The following TAF4B variants were observed in gnomAD, a reference collection of about 807,000 sequenced individuals.
TAF4B encodes the protein transcription initiation factor TFIID subunit 4B.
A neutral mutation model predicts 86.4 loss-of-function variants in TAF4B; 38 were observed. The ratio of observed to expected loss-of-function variants is 0.44; its 90% CI spans 0.34 to 0.58. The LOEUF (loss-of-function observed/expected upper bound fraction) is 0.58. TAF4B is among the 20% of genes least tolerant of loss of function. TAF4B has a pLI of 0.02. For missense variants in TAF4B, 988 were observed against 1,027.6 expected, an observed-to-expected ratio of 0.96 and a Z score of 0.53; for synonymous variants, 388 against 391.2, an observed-to-expected ratio of 0.99 and a Z score of 0.10.
At chr18:26,293,147 G>T (rs2056615910) in intron 8 of TAF4B, among the ~76,000 whole-genome samples, 5 of 152,104 alleles carry the variant, frequency 3.3e-5, no homozygotes, top group Admixed American at 3.3e-4. Flanking sequence ...TATAAGCAAT[G>T]TATTATTAAC....
intron 1 of TAF4B, among the ~76,000 whole-genome samples, chr18:26,249,985 A>T (rs1357534458): frequency 6.6e-6 from 1 of 152,160 alleles, no homozygotes; most frequent in Non-Finnish European, 1.5e-5. Flanking sequence ...GGTCTCCCAA[A>T]GTGCTGGAAT....
intron 9 of TAF4B, among the ~76,000 whole-genome samples, chr18:26,311,114 G>A (rs1224137205): frequency 2.0e-5 from 3 of 152,134 alleles, no homozygotes; most frequent in Non-Finnish European, 4.4e-5. Context: ...AGGTGATGAA[G>A]ATGATTAATA....
intron 14 of TAF4B, among the ~76,000 whole-genome samples, chr18:26,366,081 C>T (rs1000126371): frequency 2.6e-5 from 4 of 152,162 alleles, no homozygotes; most frequent in Non-Finnish European, 5.9e-5. Flanking sequence ...TGAGCCACTG[C>T]GCCCGGCCTA....
intron 9 of TAF4B, among the ~76,000 whole-genome samples, chr18:26,301,393 G>A (rs2056732325): frequency 6.6e-6 from 1 of 151,058 alleles, no homozygotes; most frequent in Non-Finnish European, 1.5e-5. Context: ...CTCCAGTGAT[G>A]CTCCTGCCTC....
intron 9 of TAF4B, among the ~76,000 whole-genome samples, chr18:26,300,307 T>TTTTTTATTATTATTA (rs1555679571): frequency 0.026 from 3,735 of 145,386 alleles, 66 homozygotes; most frequent in Non-Finnish European, 0.036. Flanking sequence ...AATGTAGGCA[T>TTTTTTATTATTATTA]TTATTATTAT....
chr18:26,287,760 T>C (rs1309289751), intron 7 of TAF4B, among the ~76,000 whole-genome samples: 1 of 152,208 alleles, frequency 6.6e-6, no homozygotes, highest in African/African-American at 2.4e-5. Flanking sequence ...CCCTGTTTGT[T>C]TTATCAGAAT....
chr18:26,314,452 T>C (rs1215232706), intron 9 of TAF4B, among the ~76,000 whole-genome samples: 1 of 152,188 alleles, frequency 6.6e-6, no homozygotes, highest in Non-Finnish European at 1.5e-5. Flanking sequence ...CAGACATCTT[T>C]TGTATTTTTT....
At chr18:26,261,521 ACT>A (rs2056167743) in intron 1 of TAF4B, among the ~76,000 whole-genome samples, 1 of 151,676 alleles carries the variant, frequency 6.6e-6, no homozygotes, top group Non-Finnish European at 1.5e-5. Context: ...CTTTAGCAGG[ACT>A]CTGTCTCTGC....
Position 26,292,270 on chromosome 18 carries a change from A to G in TAF4B, c.1615A>G (p.Asn539Asp). 6.2e-7 allele frequency: 1 copy of G among 1,614,144 alleles called. No homozygotes were observed. Among genetic ancestry groups the G allele is most frequent in the South Asian group, 1.1e-5 (1 of 91,058 alleles). Residue 539 changes from asparagine to aspartate, a missense_variant, in exon 8 of 15, where the codon AAT becomes GAT. Coordinates refer to ENST00000269142, the MANE Select transcript of TAF4B (RefSeq NM_005640.3). ...QLVVQQPSGG[N>D]EKQVTTISHS... Reference sequence around the variant, plus strand: ...GGTAGTTCAGCAGCCTTCAGGAGGCAATGAAAAACAAGTGACCACAATTTC... The same window carrying G: ...GGTAGTTCAGCAGCCTTCAGGAGGCGATGAAAAACAAGTGACCACAATTTC...
At chr18:26,344,411 G>T (rs2057160244) in intron 13 of TAF4B, among the ~76,000 whole-genome samples, 1 of 150,606 alleles carries the variant, frequency 6.6e-6, no homozygotes, top group South Asian at 2.1e-4. Context: ...AGAAGAAAGT[G>T]GCAAAACATT....
intron 14 of TAF4B, among the ~76,000 whole-genome samples, chr18:26,374,148 A>G (rs1157588904): frequency 1.3e-5 from 2 of 152,194 alleles, no homozygotes; most frequent in Non-Finnish European, 2.9e-5. Context: ...TGTTCTTCCC[A>G]GGGCAAATTG....
rs1301362934 is a variant in TAF4B, at chr18:26,265,221, A to G, written c.395A>G (p.Gln132Arg). The G allele has an allele frequency of 3.7e-6, 6 of 1,613,998 alleles. No homozygotes were observed. The highest frequency in any genetic ancestry group is 5.1e-6 in the Non-Finnish European group (6 of 1,180,036). Residue 132 changes from glutamine to arginine, a missense_variant, in exon 2 of 15, where the codon CAG becomes CGG. This residue lies in a region of TAF4B where 747 missense variants were observed against 737.9 expected (regional missense o/e 1.01). Coordinates refer to ENST00000269142, the MANE Select transcript of TAF4B (RefSeq NM_005640.3). ...GGTCCGTTGATGTTGGTATCTCCTC[A>G]GCAAACTGTAACAAGAGCCGAGACC... ...NSGPLMLVSP[Q>R]QTVTRAETTS... is the part of the protein sequence containing the mutation.
chr18:26,324,478 G>A (rs2056988681), intron 11 of TAF4B, among the ~76,000 whole-genome samples: 2 of 152,110 alleles, frequency 1.3e-5, no homozygotes, highest in Admixed American at 1.3e-4. Context: ...AATTTACAAT[G>A]GAATAGAATT....
chr18:26,328,459 A>G (rs1414702610), intron 12 of TAF4B, among the ~76,000 whole-genome samples: 1 of 152,106 alleles, frequency 6.6e-6, no homozygotes, highest in African/African-American at 2.4e-5. Context: ...CAAAAAATAA[A>G]TAAATAAAAA....
At chr18:26,359,131 C>T (rs2057311734) in intron 14 of TAF4B, among the ~76,000 whole-genome samples, 1 of 152,138 alleles carries the variant, frequency 6.6e-6, no homozygotes, top group African/African-American at 2.4e-5. Context: ...TATGATCAAA[C>T]TGTACCTATT....
chr18:26,382,331 G>A (rs866533710), intron 14 of TAF4B, among the ~76,000 whole-genome samples: 23 of 152,258 alleles, frequency 1.5e-4, no homozygotes, highest in Middle Eastern at 3.4e-3. Flanking sequence ...TTGACATGAG[G>A]TTGTCAGCTT....
intron 1 of TAF4B, among the ~76,000 whole-genome samples, chr18:26,238,229 T>A (rs1439729584): frequency 6.6e-6 from 1 of 152,164 alleles, no homozygotes; most frequent in Non-Finnish European, 1.5e-5. Context: ...CTCCTGTTGG[T>A]ATTGGGACCT....
chr18:26,301,295 T>TTG (rs1568138728), intron 9 of TAF4B, among the ~76,000 whole-genome samples: 1 of 147,554 alleles, frequency 6.8e-6, no homozygotes, highest in East Asian at 2.0e-4. Context: ...TGTTGTTGTT[T>TTG]TTTTTTTTTT....
intron 1 of TAF4B, among the ~76,000 whole-genome samples, chr18:26,245,888 C>T (rs1177216912): frequency 6.6e-6 from 1 of 152,178 alleles, no homozygotes; most frequent in Non-Finnish European, 1.5e-5. Flanking sequence ...TGCCTATTCG[C>T]AGGCGTTGAT....
Sources: gnomAD v4.1 joint callset for allele counts (sites outside exome capture counted in the v4.1 genomes callset) on GRCh38, gnomAD v4.1.1 for gene constraint, gnomAD v4.1.1 regional missense constraint, MANE v1.5 for transcripts, NCBI Gene and HGNC (gene_info 2026-07-23, HGNC 2026-07-21) for gene names.